Variants in EPB41L5 observed in about 807,000 individuals in gnomAD.
EPB41L5 encodes erythrocyte membrane protein band 4.1 like 5.
Under a neutral mutation model 106.6 loss-of-function variants are expected in EPB41L5, and 55 were observed. That is an observed-to-expected ratio of 0.52 (90% CI 0.42 to 0.65). The LOEUF (loss-of-function observed/expected upper bound fraction) is 0.65. EPB41L5 is among the 30% of genes least tolerant of loss of function. The pLI, the probability that EPB41L5 is intolerant of heterozygous loss-of-function variation, is 0.00. For missense variants in EPB41L5, 871 were observed against 882.1 expected (o/e 0.99, Z 0.16); for synonymous variants, 297 against 306.7 (o/e 0.97, Z 0.33).
chr2:120,093,808 G>A (rs1683572703), intron 14 of EPB41L5, among the ~76,000 whole-genome samples: 1 of 152,088 alleles, frequency 6.6e-6, no homozygotes, highest in Admixed American at 6.6e-5. Flanking sequence ...TACAAAATAA[G>A]TTTGTATATG....
chr2:120,140,945 C>T (rs746988045), intron 18 of EPB41L5, among the ~76,000 whole-genome samples: 1 of 152,024 alleles, frequency 6.6e-6, no homozygotes, highest in Non-Finnish European at 1.5e-5. Flanking sequence ...AAATAAAATA[C>T]GTCATTCTAA....
intron 22 of EPB41L5, among the ~76,000 whole-genome samples, chr2:120,165,770 C>T (rs1311889910): frequency 6.6e-6 from 1 of 152,000 alleles, no homozygotes; most frequent in Non-Finnish European, 1.5e-5. Flanking sequence ...GAGTTCAAGA[C>T]CAGCCTGGCC....
At chr2:120,160,854 G>C (rs762944584) in intron 20 of EPB41L5, 27 bp from the exon 21 acceptor site, 1 of 1,549,566 alleles carries the variant, frequency 6.5e-7, no homozygotes, top group South Asian at 1.1e-5. Flanking sequence ...GGTCCTACAT[G>C]ATGTGAATTT....
intron 3 of EPB41L5, among the ~76,000 whole-genome samples, chr2:120,064,066 CTG>C (rs1175617030): frequency 1.3e-5 from 2 of 152,094 alleles, no homozygotes; most frequent in Non-Finnish European, 2.9e-5. Flanking sequence ...ATAATACAGA[CTG>C]TTAACTCAAA....
intron 18 of EPB41L5, among the ~76,000 whole-genome samples, chr2:120,136,406 CAAT>C (rs1036267345): frequency 6.7e-6 from 1 of 149,690 alleles, no homozygotes; most frequent in Non-Finnish European, 1.5e-5. Context: ...CCTTACTTAT[CAAT>C]AATAATATTG....
intron 10 of EPB41L5, among the ~76,000 whole-genome samples, chr2:120,080,702 G>A (rs1682585265): frequency 6.6e-6 from 1 of 152,192 alleles, no homozygotes; most frequent in African/African-American, 2.4e-5. Flanking sequence ...CATAATGGTT[G>A]CACTAGTTTA....
chr2:120,015,062 G>C (rs1474608551), intron 1 of EPB41L5, among the ~76,000 whole-genome samples: 1 of 150,484 alleles, frequency 6.6e-6, no homozygotes, highest in East Asian at 2.0e-4. Context: ...AGTGGCTCAC[G>C]CCTGTAATCC....
At chr2:120,080,266 C>T (rs1025756967) in intron 10 of EPB41L5, among the ~76,000 whole-genome samples, 10 of 151,156 alleles carry the variant, frequency 6.6e-5, no homozygotes, top group Non-Finnish European at 1.5e-4. Flanking sequence ...CCTCCCCCAA[C>T]CCCACGACAG....
At chr2:120,038,182 A>G (rs1443797665) in intron 2 of EPB41L5, among the ~76,000 whole-genome samples, 2 of 152,224 alleles carry the variant, frequency 1.3e-5, no homozygotes, top group Non-Finnish European at 2.9e-5. Context: ...CTCAGCAACA[A>G]CAACCAAAAG....
At chr2:120,055,243 T>C (rs1680568124) in intron 3 of EPB41L5, among the ~76,000 whole-genome samples, 1 of 152,162 alleles carries the variant, frequency 6.6e-6, no homozygotes, top group Non-Finnish European at 1.5e-5. Context: ...AGTCTTAAAA[T>C]TGGGAAGTGT....
chr2:120,111,950 A>T (rs1271781023), intron 16 of EPB41L5, among the ~76,000 whole-genome samples: 1 of 152,054 alleles, frequency 6.6e-6, no homozygotes, highest in Non-Finnish European at 1.5e-5. Flanking sequence ...TTCTCTCAGG[A>T]TCTTTGTACT....
chr2:120,087,506 G>A (rs935894826), intron 11 of EPB41L5, among the ~76,000 whole-genome samples: 3 of 152,114 alleles, frequency 2.0e-5, no homozygotes, highest in African/African-American at 7.2e-5. Context: ...TTACATTTAA[G>A]TGAGCCAGCC....
intron 1 of EPB41L5, chr2:120,013,661 C>T (rs1376285537): frequency 6.6e-6 from 1 of 152,146 alleles, no homozygotes. Flanking sequence ...AAACTTCAGT[C>T]TCTTGGGAAA....
intron 16 of EPB41L5, chr2:120,105,344 G>A (rs553052229): frequency 1.4e-5 from 14 of 968,572 alleles, no homozygotes; most frequent in Middle Eastern, 5.3e-4. Flanking sequence ...TTTATATTTC[G>A]AAGAGTTTAT....
chr2:120,156,511 A>C (rs1361312532), intron 20 of EPB41L5, among the ~76,000 whole-genome samples: 1 of 152,088 alleles, frequency 6.6e-6, no homozygotes, highest in African/African-American at 2.4e-5. Context: ...CTGCCCTGCC[A>C]CTGCTGCAGC....
chr2:120,070,815 C>T (rs1201893772), intron 3 of EPB41L5, among the ~76,000 whole-genome samples: 1 of 152,106 alleles, frequency 6.6e-6, no homozygotes, highest in African/African-American at 2.4e-5. Context: ...TCTCAATAAA[C>T]TAGGTATTGA....
chr2:120,155,184 A>G (rs1309616605), intron 20 of EPB41L5, among the ~76,000 whole-genome samples: 1 of 152,150 alleles, frequency 6.6e-6, no homozygotes, highest in Non-Finnish European at 1.5e-5. Context: ...TATGTAAGGA[A>G]TATCTACCTG....
At chr2:120,063,711 C>T (rs549043076) in intron 3 of EPB41L5, among the ~76,000 whole-genome samples, 45 of 152,180 alleles carry the variant, frequency 3.0e-4, no homozygotes, top group East Asian at 1.4e-3. Flanking sequence ...TTTGTGAGGC[C>T]GAGAGGGGCG....
intron 18 of EPB41L5, among the ~76,000 whole-genome samples, chr2:120,140,175 G>A (rs1046556557): frequency 2.0e-5 from 3 of 152,022 alleles, no homozygotes; most frequent in Admixed American, 6.6e-5. Context: ...GTGGGGAAAA[G>A]TGGGTATGGT....
Sources: gnomAD v4.1 joint callset for allele counts (sites outside exome capture counted in the v4.1 genomes callset) on GRCh38, gnomAD v4.1.1 for gene constraint, MANE v1.5 for transcripts, NCBI Gene and HGNC (gene_info 2026-07-23, HGNC 2026-07-21) for gene names.